The following MLIP variants were observed in gnomAD, a reference collection of about 807,000 sequenced individuals.
MLIP encodes the protein muscular LMNA-interacting protein.
A neutral mutation model predicts 84.8 loss-of-function variants in MLIP; 79 were observed. The observed-to-expected ratio is 0.93, with a 90% confidence interval of 0.78 to 1.12. The LOEUF (loss-of-function observed/expected upper bound fraction) is 1.12, where lower values mean the gene tolerates loss of function less well. Among genes scored for constraint, MLIP ranks in the 50% most tolerant of loss-of-function variants. MLIP has a pLI of 0.00. For synonymous variants in MLIP, 504 were observed against 463.0 expected (o/e 1.09, Z -1.14); for missense variants, 1,257 against 1,160.6 (o/e 1.08, Z -1.21).
intron 12 of MLIP, among the ~76,000 whole-genome samples, chr6:54,246,995 A>G (rs961599593): frequency 2.6e-5 from 4 of 152,032 alleles, no homozygotes; most frequent in African/African-American, 9.7e-5. Flanking sequence ...CTTTCTTCCC[A>G]TATTTCCTGT....
At chr6:54,258,842 A>G (rs1783196841) in intron 13 of MLIP, among the ~76,000 whole-genome samples, 1 of 151,986 alleles carries the variant, frequency 6.6e-6, no homozygotes, top group Admixed American at 6.6e-5. Flanking sequence ...ACAATCAGAA[A>G]TTGAATCCAA....
chr6:54,257,871 T>C (rs1430289834), intron 13 of MLIP, among the ~76,000 whole-genome samples: 1 of 152,120 alleles, frequency 6.6e-6, no homozygotes. Context: ...AGCTCAATCA[T>C]AGCCTCTACA....
chr6:54,210,597 C>T (rs1779376608), intron 11 of MLIP, among the ~76,000 whole-genome samples: 1 of 151,574 alleles, frequency 6.6e-6, no homozygotes, highest in Non-Finnish European at 1.5e-5. Context: ...GTTAATTCAA[C>T]AGCACCATGT....
At chr6:54,098,679 A>T (rs1400353437) in intron 1 of MLIP, among the ~76,000 whole-genome samples, 1 of 152,144 alleles carries the variant, frequency 6.6e-6, no homozygotes, top group Non-Finnish European at 1.5e-5. Flanking sequence ...ATGTGGGAAT[A>T]GGTAGAGGAA....
intron 9 of MLIP, among the ~76,000 whole-genome samples, chr6:54,188,212 A>G (rs1178215633): frequency 6.6e-6 from 1 of 152,180 alleles, no homozygotes; most frequent in African/African-American, 2.4e-5. Context: ...GAATGTGAAG[A>G]ACTAAGGTTA....
At chr6:54,058,508 C>T (rs920392524) in intron 1 of MLIP, among the ~76,000 whole-genome samples, 3 of 152,184 alleles carry the variant, frequency 2.0e-5, no homozygotes, top group Non-Finnish European at 2.9e-5. Flanking sequence ...GCCTTATGGC[C>T]ATCTGCCTAC....
intron 9 of MLIP, among the ~76,000 whole-genome samples, chr6:54,183,944 G>GATTC (rs1369512868): frequency 6.6e-6 from 1 of 151,924 alleles, no homozygotes; most frequent in Non-Finnish European, 1.5e-5. Flanking sequence ...TTTCAACATG[G>GATTC]ATTCATTGTT....
intron 1 of MLIP, among the ~76,000 whole-genome samples, chr6:54,021,109 C>G (rs544855376): frequency 6.6e-6 from 1 of 152,278 alleles, no homozygotes; most frequent in South Asian, 2.1e-4. Flanking sequence ...TATCCAAAAA[C>G]TTCAGTTCAT....
At chr6:54,188,440 T>C (rs1462368698) in intron 9 of MLIP, among the ~76,000 whole-genome samples, 3 of 152,144 alleles carry the variant, frequency 2.0e-5, no homozygotes, top group Non-Finnish European at 4.4e-5. Flanking sequence ...AAGTTTTTTC[T>C]ATTTCAAATT....
At chr6:54,045,186 A>G (rs956799550) in intron 1 of MLIP, among the ~76,000 whole-genome samples, 1 of 151,970 alleles carries the variant, frequency 6.6e-6, no homozygotes, top group African/African-American at 2.4e-5. Flanking sequence ...TATCTCTACT[A>G]AAAATACAAA....
intron 12 of MLIP, among the ~76,000 whole-genome samples, chr6:54,255,312 T>C (rs1024338307): frequency 6.6e-6 from 1 of 152,200 alleles, no homozygotes; most frequent in Non-Finnish European, 1.5e-5. Context: ...TCTCAGTGCT[T>C]TAGTTTCCTC....
chr6:54,250,087 C>T (rs957669166), intron 12 of MLIP, among the ~76,000 whole-genome samples: 7 of 151,896 alleles, frequency 4.6e-5, no homozygotes, highest in Non-Finnish European at 1.0e-4. Context: ...AAGGATGATG[C>T]GTCCAACAAT....
chr6:54,240,060 ATTG>A (rs1448293532), intron 12 of MLIP, among the ~76,000 whole-genome samples: 1 of 152,202 alleles, frequency 6.6e-6, no homozygotes, highest in Non-Finnish European at 1.5e-5. Context: ...GAATCAATGA[ATTG>A]TTGTATGCCT....
At chr6:54,184,600 T>C (rs1483395179) in intron 9 of MLIP, among the ~76,000 whole-genome samples, 6 of 152,208 alleles carry the variant, frequency 3.9e-5, no homozygotes, top group African/African-American at 1.4e-4. Context: ...GTGCCTTGTG[T>C]AGGAATTTGT....
At chr6:54,165,775 C>A (rs1258999455) in intron 8 of MLIP, among the ~76,000 whole-genome samples, 3 of 151,818 alleles carry the variant, frequency 2.0e-5, no homozygotes, top group Non-Finnish European at 2.9e-5. Flanking sequence ...AATATTTGTG[C>A]CCCACCCACC....
intron 11 of MLIP, among the ~76,000 whole-genome samples, chr6:54,226,587 G>A (rs1440468831): frequency 7.1e-6 from 1 of 140,750 alleles, no homozygotes; most frequent in Non-Finnish European, 1.5e-5. Flanking sequence ...CCTCCAATAT[G>A]AAATATGAGC....
chr6:54,156,523 G>A (rs115978771), intron 5 of MLIP, among the ~76,000 whole-genome samples: 60 of 152,138 alleles, frequency 3.9e-4, no homozygotes, highest in Non-Finnish European at 6.6e-4. Flanking sequence ...GGAAATAATC[G>A]CATTGCACTA....
intron 1 of MLIP, among the ~76,000 whole-genome samples, chr6:54,019,312 A>G (rs1484210191): frequency 6.6e-6 from 1 of 152,182 alleles, no homozygotes; most frequent in Non-Finnish European, 1.5e-5. Flanking sequence ...TGATTTAGTT[A>G]AATGATGTGG....
At chr6:54,168,080 A>C (rs1344215710) in intron 8 of MLIP, among the ~76,000 whole-genome samples, 1 of 151,848 alleles carries the variant, frequency 6.6e-6, no homozygotes, top group Non-Finnish European at 1.5e-5. Context: ...GATGTTTTTG[A>C]TTAAATATTT....
Sources: allele counts gnomAD v4.1 joint callset (sites outside exome capture counted in the v4.1 genomes callset), GRCh38; gene constraint gnomAD v4.1.1; transcripts MANE v1.5; gene names NCBI Gene and HGNC (gene_info 2026-07-23, HGNC 2026-07-21).